TMOD3: variants seen among roughly 807,000 people sequenced by gnomAD.
TMOD3 encodes the protein tropomodulin-3.
Under a neutral mutation model 39.2 loss-of-function variants are expected in TMOD3, and 20 were observed. The ratio of observed to expected loss-of-function variants is 0.51; its 90% CI spans 0.36 to 0.74. The LOEUF is 0.74. Among genes scored for constraint, TMOD3 ranks in the 30% least tolerant of loss-of-function variants. The pLI is 0.00. For missense variants in TMOD3, 381 were observed against 412.8 expected (o/e 0.92, Z 0.67); for synonymous variants, 143 against 145.8 (o/e 0.98, Z 0.14).
At chr15:51,851,721 C>G (rs1055227350) in intron 1 of TMOD3, among the ~76,000 whole-genome samples, 11 of 152,254 alleles carry the variant, frequency 7.2e-5, no homozygotes, top group Admixed American at 7.2e-4. Context: ...TAAATACTAA[C>G]TGAAATTGAC....
At position 51,869,273 on chromosome 15, in the gene TMOD3, A is replaced by G. The variant is rs1483116535; in HGVS notation, c.183A>G (p.Thr61=). Residue 61 remains threonine (T), a synonymous_variant, in exon 3 of 10, where the codon ACA becomes ACG. Transcript: ENST00000308580. ...RQKNQTSKST[T]GPFDREHLLS... ...AGAACCAGACATCAAAGTCCACCAC[A>G]GGGCCATTTGATAGAGAGCATCTCC... 1.2e-6 allele frequency: 2 copies of G among 1,614,172 alleles called. No individual in the cohort carries two copies. The highest frequency in any genetic ancestry group is 1.3e-5 in the African/African-American group (1 of 75,052).
intron 3 of TMOD3, among the ~76,000 whole-genome samples, chr15:51,882,276 C>T (rs1440390844): frequency 1.3e-5 from 2 of 151,876 alleles, no homozygotes; most frequent in Non-Finnish European, 1.5e-5. Flanking sequence ...TGGTGGCTCA[C>T]ACCTGTAATC....
intron 2 of TMOD3, among the ~76,000 whole-genome samples, chr15:51,863,479 A>G (rs1566857483): frequency 1.3e-5 from 2 of 152,230 alleles, no homozygotes; most frequent in South Asian, 2.1e-4. Flanking sequence ...TTGGTAGAAT[A>G]GATCTAAGTA....
chr15:51,853,874 A>C (rs1567264131), intron 1 of TMOD3, among the ~76,000 whole-genome samples: 1 of 152,118 alleles, frequency 6.6e-6, no homozygotes, highest in Non-Finnish European at 1.5e-5. Context: ...GAGACCAGGG[A>C]AATTTTCAGG....
Position 51,912,433 on chromosome 15 carries a change from A to T in TMOD3, c.*3623A>T, listed in dbSNP as rs974723486. ...CAAGAGTGAAACTCCGTCTCAAAAA[A>T]AAAAAAATTTTTTTTTTTTTATAAA... On this transcript the variant is annotated 3_prime_UTR_variant, in exon 10 of 10. Transcript: ENST00000308580. 3 of 131,770 alleles carry T rather than the reference A, an allele frequency of 2.3e-5. No individual in the cohort carries two copies. The highest frequency in any genetic ancestry group is 5.0e-5 in the Non-Finnish European group (3 of 60,518). 8.2% of individuals were successfully genotyped at this position (131,770 alleles called of 1,614,324 possible).
intron 3 of TMOD3, among the ~76,000 whole-genome samples, chr15:51,877,840 C>T (rs1005833147): frequency 6.6e-6 from 1 of 152,092 alleles, no homozygotes; most frequent in African/African-American, 2.4e-5. Flanking sequence ...GGAACAGGTT[C>T]TATTCCCAGC....
At chr15:51,888,943 T>G (rs1351562754) in intron 4 of TMOD3, 113 bp from the exon 5 acceptor site, 2 of 651,360 alleles carry the variant, frequency 3.1e-6, no homozygotes, top group Non-Finnish European at 5.3e-6. Context: ...GGGTGTGTGA[T>G]CTGTAATTTA....
At chr15:51,837,692 A>T (rs1244314280) in intron 1 of TMOD3, among the ~76,000 whole-genome samples, 1 of 152,104 alleles carries the variant, frequency 6.6e-6, no homozygotes, top group Non-Finnish European at 1.5e-5. Context: ...GTTAGTCCTC[A>T]GCACACCCTC....
intron 3 of TMOD3, among the ~76,000 whole-genome samples, chr15:51,883,072 T>TA (rs1229474859): frequency 2.6e-5 from 4 of 152,194 alleles, no homozygotes; most frequent in Non-Finnish European, 5.9e-5. Flanking sequence ...TTTTGTATTT[T>TA]AAAAAACACA....
At chr15:51,891,800 A>C (rs2056594916) in intron 5 of TMOD3, among the ~76,000 whole-genome samples, 1 of 152,176 alleles carries the variant, frequency 6.6e-6, no homozygotes, top group South Asian at 2.1e-4. Flanking sequence ...AGTGAGAGGG[A>C]TCCCACTCTC....
At chr15:51,867,602 A>G (rs1471743273) in intron 2 of TMOD3, among the ~76,000 whole-genome samples, 1 of 152,188 alleles carries the variant, frequency 6.6e-6, no homozygotes, top group Non-Finnish European at 1.5e-5. Flanking sequence ...AATATTTTCT[A>G]TTACTATTGC....
At chr15:51,885,898 G>A (rs1484157500) in intron 3 of TMOD3, among the ~76,000 whole-genome samples, 3 of 149,682 alleles carry the variant, frequency 2.0e-5, no homozygotes, top group South Asian at 2.1e-4. Flanking sequence ...CCCAGACGGG[G>A]TGGCTGCCGG....
chr15:51,832,196 A>G (rs2056258747), intron 1 of TMOD3, among the ~76,000 whole-genome samples: 1 of 71,616 alleles, frequency 1.4e-5, no homozygotes, highest in Non-Finnish European at 3.0e-5. Flanking sequence ...TAAAAAAAGA[A>G]AAAAAATTAT....
At chr15:51,899,236 G>C (rs1206567566) in intron 7 of TMOD3, 2 of 152,138 alleles carry the variant, frequency 1.3e-5, no homozygotes, top group Non-Finnish European at 1.5e-5. Context: ...TGATGAAGTT[G>C]GTCTAACACA....
At chr15:51,849,169 T>C (rs959719887) in intron 1 of TMOD3, among the ~76,000 whole-genome samples, 4 of 152,180 alleles carry the variant, frequency 2.6e-5, no homozygotes, top group African/African-American at 4.8e-5. Context: ...GGGTGGATCA[T>C]GTGTGGAGTG....
rs567206777 is a variant in TMOD3 at position 51,913,591 on chromosome 15, CAT to C, written c.*4784_*4785del. On this transcript the variant is annotated 3_prime_UTR_variant, in exon 10 of 10. Coordinates refer to ENST00000308580, the MANE Select transcript of TMOD3 (RefSeq NM_014547.5). ...ATGAATTAGAAATTTGATAATAAAA[CAT>C]ATTTTATTAATTTTAAACTCTATCT... 21 of 152,242 alleles carry C rather than the reference CAT, an allele frequency of 1.4e-4. No homozygotes were observed. Among genetic ancestry groups the C allele is most frequent in the East Asian group, 9.6e-4 (5 of 5,188 alleles). 9.4% of individuals were successfully genotyped at this position (152,242 alleles called of 1,614,324 possible).
At chr15:51,841,647 A>G (rs1326029477) in intron 1 of TMOD3, among the ~76,000 whole-genome samples, 1 of 152,148 alleles carries the variant, frequency 6.6e-6, no homozygotes, top group Non-Finnish European at 1.5e-5. Context: ...CACCAGTCTT[A>G]AGTATTAATT....
At chr15:51,896,804 C>T (rs1189987942) in intron 7 of TMOD3, among the ~76,000 whole-genome samples, 2 of 151,984 alleles carry the variant, frequency 1.3e-5, no homozygotes, top group Non-Finnish European at 2.9e-5. Flanking sequence ...TTTCACTCTG[C>T]AGTTTATCTT....
At chr15:51,855,501 C>G (rs2056383547) in intron 1 of TMOD3, among the ~76,000 whole-genome samples, 1 of 152,216 alleles carries the variant, frequency 6.6e-6, no homozygotes. Flanking sequence ...CCTAACTTAC[C>G]TGGCAGAACT....
Sources: allele counts gnomAD v4.1 joint callset (sites outside exome capture counted in the v4.1 genomes callset), GRCh38; gene constraint gnomAD v4.1.1; transcripts MANE v1.5; gene names NCBI Gene and HGNC (gene_info 2026-07-23, HGNC 2026-07-21).